FOXH1: variants seen among roughly 807,000 people sequenced by gnomAD.
FOXH1 encodes forkhead box protein H1.
Under a neutral mutation model 14.2 loss-of-function variants are expected in FOXH1, and 10 were observed. The observed-to-expected ratio is 0.70, with a 90% CI of 0.43 to 1.19. The LOEUF is 1.19. Among genes scored for constraint, FOXH1 ranks in the 50% most tolerant of loss-of-function variants. FOXH1 has a pLI of 0.00. For missense variants in FOXH1, 643 were observed against 492.1 expected (o/e 1.31, Z -2.90); for synonymous variants, 273 against 209.5 (o/e 1.30, Z -2.62).
In FOXH1 at chr8:144,474,826, C is replaced by G; in HGVS notation, c.510G>C (p.Lys170Asn). 5.0e-6 allele frequency: 8 copies of G among 1,611,806 alleles called. No individual in the cohort carries two copies. Among genetic ancestry groups the G allele is most frequent in the Non-Finnish European group, 6.8e-6 (8 of 1,179,622 alleles). Residue 170 changes from lysine to asparagine, a missense_variant, in exon 3 of 3, where the codon AAG becomes AAC. Lys to Asn is a moderately conservative substitution (Grantham distance 94). Coordinates refer to ENST00000377317, the MANE Select transcript of FOXH1 (RefSeq NM_003923.3). ...CCTCCCCGGACCCTCCTAGCAGGGACTTGATGCTGAAGCCCTCACTGGGTG... is the reference window on the plus strand; with the variant it reads ...CCTCCCCGGACCCTCCTAGCAGGGAGTTGATGCTGAAGCCCTCACTGGGTG... ...PPPPSEGFSI[K>N]SLLGGSGEGA...
Position 144,473,619 on chromosome 8 carries a change from G to A in FOXH1, c.*619C>T. 3.4e-6 allele frequency: 2 copies of A among 582,120 alleles called. No homozygotes were observed. The highest frequency in any genetic ancestry group is 5.6e-6 in the Non-Finnish European group (2 of 357,792). The allele number at this position is 582,120 out of a possible 1,614,324, so 36.1% of individuals were successfully genotyped here. On this transcript the variant is annotated 3_prime_UTR_variant, in exon 3 of 3. Transcript: ENST00000377317. ...GCCCTGCATCAGGCCACAGGTCTTG[G>A]CTTTCTCCTTATCACCATTTGCTGT...
Position 144,474,433 on chromosome 8 carries a change from G to C in FOXH1, c.903C>G (p.Pro301=). 6.2e-7 allele frequency: 1 copy of C among 1,613,198 alleles called. No individual in the cohort carries two copies. Among genetic ancestry groups the C allele is most frequent in the Non-Finnish European group, 8.5e-7 (1 of 1,180,016 alleles). The change falls in exon 3 of 3, where the codon CCC becomes CCG. Residue 301 remains proline (P), a synonymous_variant. Coordinates refer to ENST00000377317, the MANE Select transcript of FOXH1 (RefSeq NM_003923.3). The stretch of plus-strand genomic sequence containing the variant: ...AGGCAGGGCTGGTTGACGGACACTG[G>C]GGACAGGAGGTGGGTGGTGGTGCCA... ...MPLAPPPTSC[P]QCPSTSPAYW... is the part of the protein sequence containing the mutation.
At position 144,473,412 on chromosome 8, in the gene FOXH1, T is replaced by C; in HGVS notation, c.*826A>G. ...TAGTCCTGGGTCGCGGCCCTGCCCA[T>C]GGGGTCTCAGGCCAGGTCTCTGCTG... is the stretch of plus-strand genomic sequence containing the variant. On this transcript the variant is annotated 3_prime_UTR_variant, in exon 3 of 3. Coordinates refer to ENST00000377317, the MANE Select transcript of FOXH1 (RefSeq NM_003923.3). The C allele has an allele frequency of 1.3e-6, 2 of 1,568,184 alleles. No homozygotes were observed. The highest frequency in any genetic ancestry group is 8.6e-7 in the Non-Finnish European group (1 of 1,163,180).
At position 144,475,277 on chromosome 8, in the gene FOXH1, G is replaced by T; in HGVS notation, c.175-16C>A. 6.2e-7 allele frequency: 1 copy of T among 1,603,258 alleles called. No homozygotes were observed. Among genetic ancestry groups the T allele is most frequent in the Non-Finnish European group, 8.5e-7 (1 of 1,173,000 alleles). ...GACGGATGATCTGAAACCGCCAGGCGGCCGGCCGGCGCCGTGAGCCCAGAC... is the reference window on the plus strand; with the variant it reads ...GACGGATGATCTGAAACCGCCAGGCTGCCGGCCGGCGCCGTGAGCCCAGAC... On this transcript the variant is annotated splice_polypyrimidine_tract_variant and intron_variant, in intron 1 of 2. Transcript: ENST00000377317.
At position 144,475,155 on chromosome 8, in the gene FOXH1, A is replaced by G; in HGVS notation, c.279+2T>C. The G allele has an allele frequency of 1.2e-6, 2 of 1,613,054 alleles. No individual in the cohort carries two copies. The highest frequency in any genetic ancestry group is 1.7e-6 in the Non-Finnish European group (2 of 1,179,720). ...CCGGGCTCCGACCCTGGCCTGCCCC[A>G]CCTTGCGGAAGCATCGGTTGGAGGA... On this transcript the variant is annotated splice_donor_variant, in intron 2 of 2. Transcript: ENST00000377317. LOFTEE classifies it high-confidence loss of function.
chr8:144,473,967 G>A lies in FOXH1; in HGVS notation c.*271C>T, dbSNP rs1377945697. 9.5e-6 allele frequency: 5 copies of A among 527,418 alleles called. No homozygotes were observed. Among genetic ancestry groups the A allele is most frequent in the African/African-American group, 5.7e-5 (3 of 52,786 alleles). The allele number at this position is 527,418 out of a possible 1,614,324, so 32.7% of individuals were successfully genotyped here. On this transcript the variant is annotated 3_prime_UTR_variant, in exon 3 of 3. Coordinates refer to ENST00000377317, the MANE Select transcript of FOXH1 (RefSeq NM_003923.3). ...GATGGGTAGTGGGCTGAGAAGAGGG[G>A]ACTAGGAAGGGCTATTCCAGGCTCA...
rs937745822 is a variant in FOXH1 at position 144,474,708 on chromosome 8, G to T, written c.628C>A (p.Pro210Thr). ...GEEAVPTPPL[P>T]SSERPLWPLC... ...GGCCACAGAGGCCTCTCAGAAGAGG[G>T]AAGGGGTGGGGTGGGCACCGCCTCC... Residue 210 changes from proline (P) to threonine (T), a missense_variant, in exon 3 of 3, where the codon CCC becomes ACC. Coordinates refer to ENST00000377317, the MANE Select transcript of FOXH1 (RefSeq NM_003923.3). The T allele has an allele frequency of 6.5e-7, 1 of 1,537,688 alleles. No homozygotes were observed. The highest frequency in any genetic ancestry group is 1.2e-5 in the South Asian group (1 of 80,370).
chr8:144,475,131 C>G (rs373455250), intron 2 of FOXH1, 26 bp downstream of exon 2: 13 of 1,609,910 alleles, frequency 8.1e-6, no homozygotes, highest in African/African-American at 4.0e-5. Context: ...GCTCCGCCCC[C>G]GGGCTCCGAC....
In FOXH1 at chr8:144,474,918, A is replaced by T; in HGVS notation, c.418T>A (p.Phe140Ile). The change falls in exon 3 of 3, where the codon TTC (phenylalanine) becomes ATC (isoleucine). Residue 140 changes from phenylalanine (F) to isoleucine (I), a missense_variant. Transcript: ENST00000377317. ...RWQNGGARGAFAKDLGPYVLH... is the reference protein window; with the variant it reads ...RWQNGGARGAIAKDLGPYVLH... Reference sequence around the variant, plus strand: ...ACGTAGGGGCCCAGGTCCTTGGCGAAGGCTCCACGCGCACCTCCGTTCTGC... The same window carrying T: ...ACGTAGGGGCCCAGGTCCTTGGCGATGGCTCCACGCGCACCTCCGTTCTGC... 1 of 1,609,098 alleles carries T rather than the reference A, an allele frequency of 6.2e-7. No individual in the cohort carries two copies. The highest frequency in any genetic ancestry group is 1.1e-5 in the South Asian group (1 of 90,866).
In FOXH1 at chr8:144,474,629, C is replaced by T. The variant is rs1564751892; in HGVS notation, c.707G>A (p.Gly236Glu). ...TRVEGETVQGGAIGPSTLSPE... is the reference protein window; with the variant it reads ...TRVEGETVQGEAIGPSTLSPE... ...GGAGAGGGTTGAGGGCCCGATGGCT[C>T]CCCCCTGCACAGTCTCCCCCTCCAC... The change falls in exon 3 of 3, where the codon GGA becomes GAA. Residue 236 changes from glycine (G) to glutamate (E), a missense_variant. Gly to Glu is a moderately conservative substitution (Grantham distance 98). Transcript: ENST00000377317. The T allele has an allele frequency of 9.5e-6, 15 of 1,578,714 alleles. No individual in the cohort carries two copies. Among genetic ancestry groups the T allele is most frequent in the Middle Eastern group, 1.9e-4 (1 of 5,284 alleles).
rs776097193 is a variant in FOXH1, at chr8:144,474,901, G to C, written c.435C>G (p.Gly145=). The stretch of plus-strand genomic sequence containing the variant: ...ATGGCCGGCCGTGCAGCACGTAGGG[G>C]CCCAGGTCCTTGGCGAAGGCTCCAC... ...GARGAFAKDL[G]PYVLHGRPYR... is the part of the protein sequence containing the mutation. The change falls in exon 3 of 3, where the codon GGC becomes GGG. Residue 145 remains glycine, a synonymous_variant. Transcript: ENST00000377317. The C allele has an allele frequency of 6.2e-7, 1 of 1,610,046 alleles. No homozygotes were observed. Among genetic ancestry groups the C allele is most frequent in the South Asian group, 1.1e-5 (1 of 90,972 alleles).
Position 144,474,268 on chromosome 8 carries a change from T to G in FOXH1, c.1068A>C (p.Pro356=). ...GGCTGCACCAGGAGAGCAGCCAGCCTGGGCCAGGGGCCGCCAGGTCCCGAG... is the reference window on the plus strand; with the variant it reads ...GGCTGCACCAGGAGAGCAGCCAGCCGGGGCCAGGGGCCGCCAGGTCCCGAG... The part of the protein sequence containing the change: ...SHPRDLAAPG[P]GWLLSWCSL The change falls in exon 3 of 3, where the codon CCA becomes CCC. Residue 356 remains proline, a synonymous_variant. Transcript: ENST00000377317. The G allele has an allele frequency of 6.3e-7, 1 of 1,593,664 alleles. No individual in the cohort carries two copies. The highest frequency in any genetic ancestry group is 8.6e-7 in the Non-Finnish European group (1 of 1,169,056).
rs1825052460 is a variant in FOXH1, at chr8:144,473,938, GA to G, written c.*299del. On this transcript the variant is annotated 3_prime_UTR_variant, in exon 3 of 3. Coordinates refer to ENST00000377317, the MANE Select transcript of FOXH1 (RefSeq NM_003923.3). ...GGAGGGGAGGTGACGGCTGGTGACT[GA>G]TGGATGGGTAGTGGGCTGAGAAGAG... The G allele has an allele frequency of 2.2e-6, 1 of 455,910 alleles. No individual in the cohort carries two copies. The highest frequency in any genetic ancestry group is 3.9e-6 in the Non-Finnish European group (1 of 257,058). The allele number at this position is 455,910 out of a possible 1,614,324, so 28.2% of individuals were successfully genotyped here.
Position 144,474,237 on chromosome 8 carries a change from C to T in FOXH1, c.*1G>A, listed in dbSNP as rs201981529. On this transcript the variant is annotated 3_prime_UTR_variant, in exon 3 of 3. Coordinates refer to ENST00000377317, the MANE Select transcript of FOXH1 (RefSeq NM_003923.3). ...GAGGAGTGGCCCCTGTCTTAAGAGC[C>T]TCACAGGCTGCACCAGGAGAGCAGC... The T allele has an allele frequency of 7.5e-5, 117 of 1,566,860 alleles. No homozygotes were observed. Among genetic ancestry groups the T allele is most frequent in the Admixed American group, 9.1e-5 (5 of 54,892 alleles).
In FOXH1 at chr8:144,474,865, G is replaced by A; in HGVS notation, c.471C>T (p.Pro157=). 1 of 1,611,488 alleles carries A rather than the reference G, an allele frequency of 6.2e-7. No homozygotes were observed. ...CCTCACTGGGTGGTGGCGGGGGACT[G>A]GGCGGCCGGTATGGCCGGCCGTGCA... ...YVLHGRPYRP[P]SPPPPPSEGF... The change falls in exon 3 of 3, where the codon CCC becomes CCT. Residue 157 remains proline, a synonymous_variant. Transcript: ENST00000377317.
At position 144,475,208 on chromosome 8, in the gene FOXH1, G is replaced by A; in HGVS notation, c.228C>T (p.Gly76=). The A allele has an allele frequency of 6.2e-7, 1 of 1,613,628 alleles. No homozygotes were observed. ...GGTTGTGGCGAATGGAGTCTTTCCA[G>A]CCCTCGTAGTCTTCCCTGAAGAAGG... ...VFPFFREDYE[G]WKDSIRHNLS... The change falls in exon 2 of 3, where the codon GGC becomes GGT. Residue 76 remains glycine, a synonymous_variant. Coordinates refer to ENST00000377317, the MANE Select transcript of FOXH1 (RefSeq NM_003923.3).
At chr8:144,475,332 C>A (rs1586728479) in intron 1 of FOXH1, 71 bp from the exon 2 acceptor site, 5 of 1,307,120 alleles carry the variant, frequency 3.8e-6, no homozygotes, top group South Asian at 1.2e-5. Context: ...ACCCCTCCCC[C>A]ACTACCGGGC....
chr8:144,474,527 C>T lies in FOXH1; in HGVS notation c.809G>A (p.Arg270Lys). ...GGGCAGCTGCCCCCAGAGGGAGGCCCTGTGTCCCCCGCTGGACCGTCCCCC... is the reference window on the plus strand; with the variant it reads ...GGGCAGCTGCCCCCAGAGGGAGGCCTTGTGTCCCCCGCTGGACCGTCCCCC... Reference protein sequence around the residue: ...VPGGRSSGGHRASLWGQLPTS... With the variant: ...VPGGRSSGGHKASLWGQLPTS... The change falls in exon 3 of 3, where the codon AGG (arginine) becomes AAG (lysine). Residue 270 changes from arginine to lysine, a missense_variant. Transcript: ENST00000377317. 1 of 1,611,142 alleles carries T rather than the reference C, an allele frequency of 6.2e-7. No individual in the cohort carries two copies. Among genetic ancestry groups the T allele is most frequent in the East Asian group, 2.2e-5 (1 of 44,886 alleles).
chr8:144,475,735 G>A lies in FOXH1; in HGVS notation c.22C>T (p.Arg8Cys), dbSNP rs1215591477. 3 of 1,418,940 alleles carry A rather than the reference G, an allele frequency of 2.1e-6. No individual in the cohort carries two copies. The highest frequency in any genetic ancestry group is 2.9e-5 in the African/African-American group (2 of 68,938). The allele number at this position is 1,418,940 out of a possible 1,614,324, so 87.9% of individuals were successfully genotyped here. Reference sequence around the variant, plus strand: ...GACTCTGCCTCTGGGGGCCCCAGGCGGGAGCCGCTGCAGGGCCCCATGCGG... The same window carrying A: ...GACTCTGCCTCTGGGGGCCCCAGGCAGGAGCCGCTGCAGGGCCCCATGCGG... The part of the protein sequence containing the change: MGPCSGS[R>C]LGPPEAESPS... Residue 8 changes from arginine (R) to cysteine (C), a missense_variant, in exon 1 of 3, where the codon CGC becomes TGC. Transcript: ENST00000377317.
Sources: allele counts gnomAD v4.1 joint callset, GRCh38; gene constraint gnomAD v4.1.1; transcripts MANE v1.5; gene names NCBI Gene and HGNC (gene_info 2026-07-23, HGNC 2026-07-21).